The following HMCN2 variants were observed in gnomAD, a reference collection of about 807,000 sequenced individuals.
The protein encoded by HMCN2 is hemicentin-2.
A neutral mutation model predicts 377.5 loss-of-function variants in HMCN2; 325 were observed. The observed-to-expected ratio is 0.86, with a 90% confidence interval of 0.79 to 0.94. The LOEUF (loss-of-function observed/expected upper bound fraction) is 0.94, where lower values mean the gene tolerates loss of function less well. Among genes scored for constraint, HMCN2 ranks in the 40% least tolerant of loss-of-function variants. The pLI is 0.00. For synonymous variants in HMCN2, 2,007 were observed against 2,046.8 expected (o/e 0.98, Z 0.53); for missense variants, 4,543 against 4,725.3 (o/e 0.96, Z 1.13).
At chr9:130,358,909 C>T (rs1469461012) in intron 36 of HMCN2, among the ~76,000 whole-genome samples, 1 of 152,168 alleles carries the variant, frequency 6.6e-6, no homozygotes, top group African/African-American at 2.4e-5. Context: ...CTCCTGACCT[C>T]GTGATCCGCC....
chr9:130,337,229 T>C (rs1305321012), intron 22 of HMCN2, among the ~76,000 whole-genome samples: 2 of 151,976 alleles, frequency 1.3e-5, no homozygotes, highest in Non-Finnish European at 2.9e-5. Flanking sequence ...ATGGGGGTGA[T>C]GTGACTTTAT....
rs200828991 is a variant in HMCN2 at position 130,280,136 on chromosome 9, CTG to C, written c.260-4453_260-4452del. Reference sequence around the variant, plus strand: ...GATTTAGGACTGCTGGCTTCCATAGCTGTGTGTGTGTGTGTTTTTTTTTTTTT... The same window carrying C: ...GATTTAGGACTGCTGGCTTCCATAGCTGTGTGTGTGTGTTTTTTTTTTTTT... On this transcript the variant is annotated intron_variant, in intron 1 of 97. Transcript: ENST00000683500. Among the ~76,000 whole-genome samples the C allele has an allele frequency of 3.1e-3, 426 of 139,536 alleles. 58 individuals carry two copies. The highest frequency in any genetic ancestry group is 0.011 in the Middle Eastern group (3 of 266). The allele number at this position is 139,536 out of a possible 152,430, so 91.5% of individuals were successfully genotyped here.
chr9:130,359,539 C>T (rs553552140), intron 37 of HMCN2, 125 bp downstream of exon 37: 2 of 379,676 alleles, frequency 5.3e-6, no homozygotes, highest in African/African-American at 2.1e-5. Context: ...CTTTCCCCCC[C>T]GTTTCTCTCA....
chr9:130,272,709 G>T (rs1554921613), intron 1 of HMCN2, among the ~76,000 whole-genome samples: 4 of 152,094 alleles, frequency 2.6e-5, no homozygotes, highest in African/African-American at 7.2e-5. Context: ...CACCACACCT[G>T]GCTAATTTTT....
intron 56 of HMCN2, among the ~76,000 whole-genome samples, chr9:130,383,133 G>C (rs1274622288): frequency 6.6e-6 from 1 of 152,134 alleles, no homozygotes; most frequent in Non-Finnish European, 1.5e-5. Context: ...CCTTCCGCGG[G>C]ATCACCAGCT....
intron 19 of HMCN2, among the ~76,000 whole-genome samples, chr9:130,324,082 C>T (rs998162371): frequency 6.6e-6 from 1 of 152,198 alleles, no homozygotes; most frequent in Non-Finnish European, 1.5e-5. Flanking sequence ...GGTGTTGGTA[C>T]ATTCACATTT....
intron 78 of HMCN2, 103 bp from the exon 79 acceptor site, chr9:130,403,091 C>T (rs536047008): frequency 5.2e-6 from 6 of 1,146,434 alleles, no homozygotes; most frequent in Middle Eastern, 2.5e-4. Context: ...CTAGAACCCC[C>T]GTTCTCCTTA....
chr9:130,332,722 C>G (rs1281071420), intron 22 of HMCN2, among the ~76,000 whole-genome samples: 3 of 152,232 alleles, frequency 2.0e-5, no homozygotes, highest in Non-Finnish European at 4.4e-5. Flanking sequence ...CCTGGTCAGG[C>G]TACAGGAAGA....
chr9:130,335,606 T>G (rs1250276059), intron 22 of HMCN2, among the ~76,000 whole-genome samples: 2 of 151,978 alleles, frequency 1.3e-5, no homozygotes. Context: ...GTCTCGGTAT[T>G]GAAAGATGAG....
At chr9:130,392,721 G>A (rs1230171755) in intron 66 of HMCN2, among the ~76,000 whole-genome samples, 3 of 150,216 alleles carry the variant, frequency 2.0e-5, no homozygotes, top group African/African-American at 7.4e-5. Flanking sequence ...AAGCAGGCCG[G>A]GTGCGGTGGC....
Position 130,360,754 on chromosome 9 carries a change from ATCC to A in HMCN2, c.5950+151_5950+153del. ...CCATCCATCCATCATCCATCCAACC[ATCC>A]ATCCATCCATCCATCCATCCATCCA... On this transcript the variant is annotated intron_variant, in intron 38 of 97. Transcript: ENST00000683500. This position sits in a 1 kb window ranked among gnomAD's most constrained non-coding sequence, Gnocchi z 4.7. 3.9e-5 allele frequency: 4 copies of A among 101,852 alleles called. No individual in the cohort carries two copies. Among genetic ancestry groups the A allele is most frequent in the South Asian group, 1.9e-4 (2 of 10,552 alleles). The allele number at this position is 101,852 out of a possible 1,614,324, so 6.3% of individuals were successfully genotyped here. A position where few individuals can be genotyped will look rare whatever the true frequency, so the allele number is the denominator to read the frequency against.
In HMCN2 at chr9:130,427,396, C is replaced by CATGGATGTGGGAGGCCTCTCAGCCTGGG. The variant is rs1164820528; in HGVS notation, c.13942+29_13942+56dup. On this transcript the variant is annotated intron_variant, in intron 91 of 97. Transcript: ENST00000683500. ...TGTGGGTGAGCGCCCCCAACCCTGG[C>CATGGATGTGGGAGGCCTCTCAGCCTGGG]ATGGATGTGGGAGGCCTCTCAGCCT... 40 of 1,550,444 alleles carry CATGGATGTGGGAGGCCTCTCAGCCTGGG rather than the reference C, an allele frequency of 2.6e-5. No individual in the cohort carries two copies. The Admixed American group carries it at 6.9e-4, about 27-fold the overall frequency.
chr9:130,356,224 A>C lies in HMCN2; in HGVS notation c.5392A>C (p.Thr1798Pro). The C allele has an allele frequency of 7.7e-7, 1 of 1,302,602 alleles. No homozygotes were observed. Among genetic ancestry groups the C allele is most frequent in the Non-Finnish European group, 1.0e-6 (1 of 988,692 alleles). The allele number at this position is 1,302,602 out of a possible 1,614,324, so 80.7% of individuals were successfully genotyped here. The change falls in exon 34 of 98, where the codon ACT (threonine) becomes CCT (proline). Residue 1798 changes from threonine to proline, a missense_variant. Transcript: ENST00000683500. ...CTGCCAGGCCACCAATGAGGCGGGCACTGCCGGGGCCGAGGTGGAGGTGTC... is the reference window on the plus strand; with the variant it reads ...CTGCCAGGCCACCAATGAGGCGGGCCCTGCCGGGGCCGAGGTGGAGGTGTC... ...FACQATNEAG[T>P]AGAEVEVSVH... is the part of the protein sequence containing the mutation.
chr9:130,318,704 C>T (rs1333659852), intron 15 of HMCN2, among the ~76,000 whole-genome samples: 1 of 152,132 alleles, frequency 6.6e-6, no homozygotes, highest in Admixed American at 6.5e-5. Context: ...TCCAGGACAG[C>T]CCTTGTTTAG....
intron 22 of HMCN2, among the ~76,000 whole-genome samples, chr9:130,329,380 C>T (rs1445947711): frequency 6.6e-6 from 1 of 151,704 alleles, no homozygotes; most frequent in Non-Finnish European, 1.5e-5. Flanking sequence ...TGTGTGTCCA[C>T]TCATCAGTTG....
At chr9:130,419,408 G>C (rs2131788180) in intron 86 of HMCN2, 1 of 180,276 alleles carries the variant, frequency 5.5e-6, no homozygotes, top group East Asian at 1.5e-4. Flanking sequence ...CATGTCCCAG[G>C]CATCACACAT....
intron 15 of HMCN2, among the ~76,000 whole-genome samples, chr9:130,314,848 C>T (rs1485096591): frequency 2.0e-5 from 3 of 152,134 alleles, no homozygotes; most frequent in Admixed American, 6.5e-5. Context: ...AGAGTTACCG[C>T]CTTCCAGATG....
intron 59 of HMCN2, among the ~76,000 whole-genome samples, chr9:130,385,311 C>T (rs550917288): frequency 6.6e-5 from 10 of 152,002 alleles, no homozygotes; most frequent in African/African-American, 1.9e-4. Context: ...TGGGTGGGGG[C>T]GGGCGACAGC....
In HMCN2 at chr9:130,431,453, T is replaced by C. The variant is rs1269831567; in HGVS notation, c.14734T>C (p.Tyr4912His). The C allele has an allele frequency of 1.9e-6, 3 of 1,549,958 alleles. No homozygotes were observed. The highest frequency in any genetic ancestry group is 2.7e-5 in the African/African-American group (2 of 73,056). ...CTACCAGTGCCTGTGCCCCGCCGGC[T>C]ACCGTCTGCTCCCCAGCGGGAAGAA... is the stretch of plus-strand genomic sequence containing the variant. The part of the protein sequence containing the change: ...GSYQCLCPAG[Y>H]RLLPSGKNCQ... The change falls in exon 96 of 98, where the codon TAC (tyrosine) becomes CAC (histidine). Residue 4912 changes from tyrosine to histidine, a missense_variant. Physicochemically the swap from Tyr to His is moderately conservative, Grantham distance 83 (BLOSUM62 2). This residue lies in a region of HMCN2 where 1,155 missense variants were observed against 1,157.7 expected (regional missense o/e 1.00). Transcript: ENST00000683500.
Sources: allele counts gnomAD v4.1 joint callset (sites outside exome capture counted in the v4.1 genomes callset), GRCh38; gene constraint gnomAD v4.1.1; regional missense constraint gnomAD v4.1.1; non-coding constraint Gnocchi (gnomAD v3.1); transcripts MANE v1.5; gene names NCBI Gene and HGNC (gene_info 2026-07-23, HGNC 2026-07-21).